AGAP1: variants seen among roughly 807,000 people sequenced by gnomAD.
AGAP1 encodes the protein ArfGAP with GTPase domain, ankyrin repeat and PH domain 1.
Under a neutral mutation model 105.3 loss-of-function variants are expected in AGAP1, and 29 were observed. The observed-to-expected ratio is 0.28, with a 90% CI of 0.21 to 0.38. The LOEUF is 0.38. Ranked by LOEUF, AGAP1 falls within the 10% of genes least tolerant of loss-of-function variation. The pLI is 1.00. For missense variants in AGAP1, 998 were observed against 1,165.1 expected, an observed-to-expected ratio of 0.86 and a Z score of 2.09; for synonymous variants, 509 against 485.9, an observed-to-expected ratio of 1.05 and a Z score of -0.63.
intron 13 of AGAP1, among the ~76,000 whole-genome samples, chr2:235,972,958 T>TGCG (rs2054714501): frequency 6.6e-6 from 1 of 152,062 alleles, no homozygotes; most frequent in African/African-American, 2.4e-5. Context: ...CCCAGCTGTG[T>TGCG]GCGACAAGGA....
chr2:236,068,117 C>T (rs992668030), intron 16 of AGAP1, among the ~76,000 whole-genome samples: 10 of 152,108 alleles, frequency 6.6e-5, no homozygotes, highest in Non-Finnish European at 1.3e-4. Flanking sequence ...GCTAAAAATA[C>T]GAAATTTAGC....
At chr2:235,648,408 C>T (rs1197698911) in intron 1 of AGAP1, among the ~76,000 whole-genome samples, 1 of 152,202 alleles carries the variant, frequency 6.6e-6, no homozygotes, top group African/African-American at 2.4e-5. Flanking sequence ...CATGAAGAGT[C>T]TGCACATGAC....
chr2:236,014,733 T>G lies in AGAP1; in HGVS notation c.1646-21828T>G. On this transcript the variant is annotated intron_variant, in intron 13 of 17. Transcript: ENST00000304032. This position sits in a 1 kb window ranked among gnomAD's most constrained non-coding sequence, Gnocchi z 6.3. ...TACTTTGACCTTTTTTTTTCTCCCCTTTTCATTTGTTTTCTTTTCCTTTTT... is the reference window on the plus strand; with the variant it reads ...TACTTTGACCTTTTTTTTTCTCCCCGTTTCATTTGTTTTCTTTTCCTTTTT... 2.6e-6 allele frequency: 1 copy of G among 387,314 alleles called. No individual in the cohort carries two copies. The highest frequency in any genetic ancestry group is 3.8e-4 in the Middle Eastern group (1 of 2,648). The allele number at this position is 387,314 out of a possible 1,614,324, so 24.0% of individuals were successfully genotyped here. A position where few individuals can be genotyped will look rare whatever the true frequency, so the allele number is the denominator to read the frequency against.
intron 12 of AGAP1, among the ~76,000 whole-genome samples, chr2:235,938,325 C>T (rs181128528): frequency 7.2e-5 from 11 of 152,302 alleles, no homozygotes; most frequent in East Asian, 5.8e-4. Context: ...TAGATTCAAA[C>T]AGCCTGTGTC....
At chr2:235,636,450 G>A (rs1160365424) in intron 1 of AGAP1, among the ~76,000 whole-genome samples, 1 of 152,172 alleles carries the variant, frequency 6.6e-6, no homozygotes, top group Non-Finnish European at 1.5e-5. Context: ...GTTCATGCCT[G>A]TGGAAAGGGA....
chr2:235,544,935 A>T (rs1488158050), intron 1 of AGAP1, among the ~76,000 whole-genome samples: 1 of 152,170 alleles, frequency 6.6e-6, no homozygotes, highest in Non-Finnish European at 1.5e-5. Flanking sequence ...GAATAGTTTT[A>T]AAATTTAGGT....
At position 235,951,265 on chromosome 2, in the gene AGAP1, G is replaced by C. The variant is rs2053726092; in HGVS notation, c.1484-17197G>C. Among the ~76,000 whole-genome samples the C allele has an allele frequency of 6.6e-6, 1 of 152,174 alleles. No individual in the cohort carries two copies. Among genetic ancestry groups the C allele is most frequent in the Non-Finnish European group, 1.5e-5 (1 of 68,050 alleles). ...AAGATGCTCACGAGTGGAGGTGTTGGTGGAGATAGTTATCCCAAGTAGAAT... is the reference window on the plus strand; with the variant it reads ...AAGATGCTCACGAGTGGAGGTGTTGCTGGAGATAGTTATCCCAAGTAGAAT... On this transcript the variant is annotated intron_variant, in intron 12 of 17. Transcript: ENST00000304032. This position sits in a 1 kb window ranked among gnomAD's most constrained non-coding sequence, Gnocchi z 4.2.
chr2:236,007,813 C>T (rs1317032169), intron 13 of AGAP1, among the ~76,000 whole-genome samples: 4 of 152,204 alleles, frequency 2.6e-5, no homozygotes, highest in Non-Finnish European at 5.9e-5. Flanking sequence ...CACCAGCCCC[C>T]AGCCTGCTAT....
intron 16 of AGAP1, among the ~76,000 whole-genome samples, chr2:236,064,786 G>A (rs561882998): frequency 6.6e-6 from 1 of 152,234 alleles, no homozygotes; most frequent in Non-Finnish European, 1.5e-5. Context: ...GAATTCTTTG[G>A]GGGTGTGGAA....
At chr2:235,717,071 GCC>G (rs1416463043) in intron 2 of AGAP1, among the ~76,000 whole-genome samples, 3 of 152,006 alleles carry the variant, frequency 2.0e-5, no homozygotes, top group Non-Finnish European at 1.5e-5. Flanking sequence ...TCCCCACACT[GCC>G]CTTTTCTGCT....
chr2:235,744,798 G>C lies in AGAP1; in HGVS notation c.497G>C (p.Arg166Pro). The part of the protein sequence containing the change: ...YHYYSRMANY[R>P]NTSEIPLVLV... Reference sequence around the variant, plus strand: ...TACTACAGTCGAATGGCCAACTATCGGAACACGAGCGAGATTCCTCTGGTT... The same window carrying C: ...TACTACAGTCGAATGGCCAACTATCCGAACACGAGCGAGATTCCTCTGGTT... Residue 166 changes from arginine (R) to proline (P), a missense_variant, in exon 5 of 18, where the codon CGG becomes CCG. Coordinates refer to ENST00000304032, the MANE Select transcript of AGAP1 (RefSeq NM_001037131.3). This position sits in a 1 kb window ranked among gnomAD's most constrained non-coding sequence, Gnocchi z 5.2. The C allele has an allele frequency of 6.2e-7, 1 of 1,613,960 alleles. No individual in the cohort carries two copies. Among genetic ancestry groups the C allele is most frequent in the Non-Finnish European group, 8.5e-7 (1 of 1,180,000 alleles).
chr2:235,831,184 T>TAA (rs35101565), intron 9 of AGAP1, among the ~76,000 whole-genome samples: 39 of 138,104 alleles, frequency 2.8e-4, no homozygotes, highest in African/African-American at 1.1e-3. Context: ...TCTTCTTCTT[T>TAA]AAAAAAAAAA....
chr2:235,805,540 T>C (rs1957794452), intron 8 of AGAP1, among the ~76,000 whole-genome samples: 1 of 152,218 alleles, frequency 6.6e-6, no homozygotes, highest in African/African-American at 2.4e-5. Context: ...TAAATATTTT[T>C]TGTTAATTAA....
chr2:235,768,657 G>T (rs888759554), intron 6 of AGAP1, among the ~76,000 whole-genome samples: 1 of 152,240 alleles, frequency 6.6e-6, no homozygotes, highest in Non-Finnish European at 1.5e-5. Context: ...AGTCGAATCA[G>T]TAAACTCCGG....
chr2:235,589,189 G>GTTTTTTTTTTT lies in AGAP1; in HGVS notation c.163+94344_163+94345insTTTTTTTTTTT, dbSNP rs1205771315. Among the ~76,000 whole-genome samples, 11 of 54,940 alleles carry GTTTTTTTTTTT rather than the reference G, an allele frequency of 2.0e-4. 1 individual carries two copies. Among genetic ancestry groups the GTTTTTTTTTTT allele is most frequent in the Admixed American group, 5.5e-4 (2 of 3,648 alleles). The allele number at this position is 54,940 out of a possible 152,430, so 36.0% of individuals were successfully genotyped here. On this transcript the variant is annotated intron_variant, in intron 1 of 17. Coordinates refer to ENST00000304032, the MANE Select transcript of AGAP1 (RefSeq NM_001037131.3). ...GAGAACTACCAGTTAATAGCTTATT[G>GTTTTTTTTTTT]TTTTGTTTTTTTTTTTTTTTTTTTT...
intron 1 of AGAP1, among the ~76,000 whole-genome samples, chr2:235,629,238 T>C (rs1367893417): frequency 2.0e-5 from 3 of 151,654 alleles, no homozygotes; most frequent in African/African-American, 7.3e-5. Flanking sequence ...TGCCGTTAAT[T>C]CATTCCTTCT....
intron 1 of AGAP1, among the ~76,000 whole-genome samples, chr2:235,686,561 AC>A (rs1444272576): frequency 8.9e-5 from 8 of 89,730 alleles, no homozygotes; most frequent in Admixed American, 3.3e-4. Context: ...ATATATACAC[AC>A]ACACACACAC....
chr2:236,048,538 T>C (rs1447860769), intron 15 of AGAP1, among the ~76,000 whole-genome samples: 1 of 152,194 alleles, frequency 6.6e-6, no homozygotes. Context: ...TGTACCTCTC[T>C]CTCATCTTTG....
intron 1 of AGAP1, among the ~76,000 whole-genome samples, chr2:235,590,700 T>C (rs1307322692): frequency 3.7e-5 from 4 of 109,528 alleles, no homozygotes; most frequent in Non-Finnish European, 8.3e-5. Context: ...TGCGTGTGTG[T>C]GTGTGTGTGT....
Sources: gnomAD v4.1 joint callset for allele counts (sites outside exome capture counted in the v4.1 genomes callset) on GRCh38, gnomAD v4.1.1 for gene constraint, Gnocchi (gnomAD v3.1) non-coding constraint, MANE v1.5 for transcripts, NCBI Gene and HGNC (gene_info 2026-07-23, HGNC 2026-07-21) for gene names.